The following SLIT3 variants were observed in gnomAD, a reference collection of about 807,000 sequenced individuals.
SLIT3 encodes slit guidance ligand 3.
SLIT3 carries 68 observed loss-of-function variants against 184.0 expected under a neutral mutation model. The observed-to-expected ratio is 0.37, with a 90% confidence interval of 0.30 to 0.45. SLIT3 has a LOEUF of 0.45. SLIT3 is among the 20% of genes least tolerant of loss of function. SLIT3 has a pLI of 1.00. For missense variants in SLIT3, 1,707 were observed against 2,026.0 expected (o/e 0.84, Z 3.02); for synonymous variants, 831 against 828.6 (o/e 1.00, Z -0.05).
chr5:168,852,378 G>C (rs1182715746), intron 5 of SLIT3, among the ~76,000 whole-genome samples: 6 of 152,148 alleles, frequency 3.9e-5, no homozygotes, highest in Non-Finnish European at 8.8e-5. Flanking sequence ...TTCCCACTGG[G>C]CTCTAAAGAT....
At chr5:169,161,344 T>C (rs1319573056) in intron 4 of SLIT3, among the ~76,000 whole-genome samples, 1 of 152,192 alleles carries the variant, frequency 6.6e-6, no homozygotes, top group Non-Finnish European at 1.5e-5. Context: ...GCTGAAACTA[T>C]TTGCTCCCCT....
At chr5:168,853,845 T>C (rs547163240) in intron 5 of SLIT3, among the ~76,000 whole-genome samples, 1 of 152,300 alleles carries the variant, frequency 6.6e-6, no homozygotes, top group Admixed American at 6.5e-5. Context: ...CTTATGCTTG[T>C]CCTTGCCCCC....
intron 4 of SLIT3, among the ~76,000 whole-genome samples, chr5:169,055,859 AGAAG>A (rs1757985849): frequency 6.6e-6 from 1 of 151,966 alleles, no homozygotes; most frequent in Non-Finnish European, 1.5e-5. Flanking sequence ...AAAAAGAAAA[AGAAG>A]GAAGTTGGAG....
intron 4 of SLIT3, among the ~76,000 whole-genome samples, chr5:169,174,168 G>A (rs1467984384): frequency 6.6e-6 from 1 of 152,184 alleles, no homozygotes; most frequent in Non-Finnish European, 1.5e-5. Context: ...TCTGAGCCTG[G>A]GGTCTTTCGG....
chr5:168,906,647 T>C (rs1761062943), intron 4 of SLIT3, among the ~76,000 whole-genome samples: 1 of 152,134 alleles, frequency 6.6e-6, no homozygotes, highest in African/African-American at 2.4e-5. Context: ...TCTATATATA[T>C]ATTTTTTTCC....
chr5:169,275,451 T>C (rs1766769588), intron 1 of SLIT3, among the ~76,000 whole-genome samples: 1 of 152,234 alleles, frequency 6.6e-6, no homozygotes, highest in South Asian at 2.1e-4. Flanking sequence ...GGCCAGACTT[T>C]GTCCTGATGT....
chr5:168,845,914 G>A (rs1758446029), intron 5 of SLIT3, among the ~76,000 whole-genome samples: 2 of 152,184 alleles, frequency 1.3e-5, no homozygotes, highest in Admixed American at 1.3e-4. Context: ...CTCAGGTGGA[G>A]GGATTTCCTG....
chr5:169,000,547 TA>T (rs757789006), intron 4 of SLIT3, among the ~76,000 whole-genome samples: 10 of 151,848 alleles, frequency 6.6e-5, no homozygotes, highest in African/African-American at 2.4e-4. Flanking sequence ...TTCAATAACC[TA>T]AAAACAATAA....
intron 20 of SLIT3, among the ~76,000 whole-genome samples, chr5:168,725,544 T>A (rs1763083561): frequency 1.3e-5 from 2 of 152,262 alleles, no homozygotes; most frequent in African/African-American, 4.8e-5. Context: ...ACATAGCCAC[T>A]GCTGTCCATT....
intron 4 of SLIT3, among the ~76,000 whole-genome samples, chr5:168,885,397 T>C (rs906566239): frequency 2.1e-4 from 32 of 152,194 alleles, no homozygotes; most frequent in African/African-American, 7.2e-4. Flanking sequence ...GTCGGGGCGC[T>C]GAACAAAGCC....
At chr5:168,997,806 A>G (rs1216016516) in intron 4 of SLIT3, among the ~76,000 whole-genome samples, 1 of 152,182 alleles carries the variant, frequency 6.6e-6, no homozygotes, top group Non-Finnish European at 1.5e-5. Context: ...AAGTGTCAAC[A>G]TCAGGTTCAA....
chr5:168,828,832 G>C (rs1045577726), intron 6 of SLIT3, among the ~76,000 whole-genome samples: 4 of 152,098 alleles, frequency 2.6e-5, no homozygotes, highest in African/African-American at 9.7e-5. Context: ...AGTTCGTGTT[G>C]GAAAACCATT....
rs181088366 is a variant in SLIT3 at position 168,964,144 on chromosome 5, A to G, written c.414-80808T>C. 3.2e-4 allele frequency among the ~76,000 whole-genome samples: 49 copies of G among 152,384 alleles called. 1 individual carries two copies. Among genetic ancestry groups the G allele is most frequent in the Non-Finnish European group, 7.3e-5 (5 of 68,032 alleles). On this transcript the variant is annotated intron_variant, in intron 4 of 35. Transcript: ENST00000519560. ...GCAGGCAAACACTTCCTGCTGATAA[A>G]TGGTGAGCATTTGTGCAAGTCTTAA...
intron 4 of SLIT3, among the ~76,000 whole-genome samples, chr5:169,068,006 G>T (rs898574412): frequency 1.3e-5 from 2 of 152,166 alleles, no homozygotes; most frequent in African/African-American, 2.4e-5. Context: ...GAAAGTCAAA[G>T]AGGATCCATT....
intron 4 of SLIT3, among the ~76,000 whole-genome samples, chr5:169,150,827 T>TTCTTAA (rs1762089334): frequency 6.6e-6 from 1 of 152,200 alleles, no homozygotes; most frequent in South Asian, 2.1e-4. Context: ...CATCACCCTG[T>TTCTTAA]AAATTACCTG....
intron 4 of SLIT3, among the ~76,000 whole-genome samples, chr5:169,146,014 C>T (rs1299292218): frequency 1.3e-5 from 2 of 152,136 alleles, no homozygotes; most frequent in Non-Finnish European, 2.9e-5. Flanking sequence ...TCGCACCACT[C>T]CACTCCAGCC....
chr5:169,256,418 G>A (rs1388474416), intron 1 of SLIT3, among the ~76,000 whole-genome samples: 1 of 152,212 alleles, frequency 6.6e-6, no homozygotes, highest in Non-Finnish European at 1.5e-5. Context: ...GAAGCAATAG[G>A]CTATACCCAT....
At chr5:169,111,724 C>T (rs1363860959) in intron 4 of SLIT3, among the ~76,000 whole-genome samples, 1 of 152,276 alleles carries the variant, frequency 6.6e-6, no homozygotes. Context: ...TGCATTTCAG[C>T]CTGGACAACA....
chr5:169,294,927 A>G (rs1296123003), intron 1 of SLIT3, among the ~76,000 whole-genome samples: 2 of 152,206 alleles, frequency 1.3e-5, no homozygotes, highest in African/African-American at 4.8e-5. Flanking sequence ...AGGTACCATC[A>G]AAGTATGGTA....
Sources: gnomAD v4.1 joint callset for allele counts (sites outside exome capture counted in the v4.1 genomes callset) on GRCh38, gnomAD v4.1.1 for gene constraint, MANE v1.5 for transcripts, NCBI Gene and HGNC (gene_info 2026-07-23, HGNC 2026-07-21) for gene names.